MAGI1: variants seen among roughly 807,000 people sequenced by gnomAD.
The protein encoded by MAGI1 is membrane associated guanylate kinase, WW and PDZ domain containing 1.
In MAGI1, 58 loss-of-function variants were observed where a neutral mutation model predicts 139.9. That is an observed-to-expected ratio of 0.41 (90% CI 0.34 to 0.52). The LOEUF (loss-of-function observed/expected upper bound fraction) is 0.52. Ranked by LOEUF, MAGI1 falls within the 20% of genes least tolerant of loss-of-function variation. The probability of loss-of-function intolerance (pLI) is 0.12; values close to 1 mark genes in which losing one functional copy is unlikely to be tolerated. For missense variants in MAGI1, 1,874 were observed against 1,901.6 expected, an observed-to-expected ratio of 0.99 and a Z score of 0.27; for synonymous variants, 812 against 737.9, an observed-to-expected ratio of 1.10 and a Z score of -1.63.
At chr3:65,700,467 A>AAAT (rs1207332892) in intron 1 of MAGI1, among the ~76,000 whole-genome samples, 1 of 152,000 alleles carries the variant, frequency 6.6e-6, no homozygotes, top group African/African-American at 2.4e-5. Flanking sequence ...ATAAATAAAT[A>AAAT]AATAATAATA....
intron 1 of MAGI1, among the ~76,000 whole-genome samples, chr3:65,890,497 T>A (rs906684467): frequency 6.6e-6 from 1 of 152,178 alleles, no homozygotes; most frequent in African/African-American, 2.4e-5. Context: ...TTTATAAAAT[T>A]CAACAATATT....
intron 1 of MAGI1, among the ~76,000 whole-genome samples, chr3:65,691,879 T>C (rs997267659): frequency 6.6e-6 from 1 of 152,162 alleles, no homozygotes; most frequent in African/African-American, 2.4e-5. Context: ...CTTAAACCAG[T>C]TCCAACCTAA....
chr3:65,647,743 G>C (rs571193166), intron 1 of MAGI1, among the ~76,000 whole-genome samples: 1 of 152,174 alleles, frequency 6.6e-6, no homozygotes, highest in South Asian at 2.1e-4. Context: ...AAATATGCAA[G>C]TTCCATTCTT....
rs1353694931 is a variant in MAGI1, at chr3:65,356,082, G to T, written c.*296C>A. 1 of 231,904 alleles carries T rather than the reference G, an allele frequency of 4.3e-6. No homozygotes were observed. Among genetic ancestry groups the T allele is most frequent in the Non-Finnish European group, 8.2e-6 (1 of 121,462 alleles). The allele number at this position is 231,904 out of a possible 1,614,324, so 14.4% of individuals were successfully genotyped here. A position where few individuals can be genotyped will look rare whatever the true frequency, so the allele number is the denominator to read the frequency against. The stretch of plus-strand genomic sequence containing the variant: ...TTGCCCCAAAACGGGAACAATTCTT[G>T]ACGATTCTACAGGTTACGTAGAAAC... On this transcript the variant is annotated 3_prime_UTR_variant, in exon 23 of 23. Coordinates refer to ENST00000402939, the MANE Select transcript of MAGI1 (RefSeq NM_001033057.2).
intron 5 of MAGI1, among the ~76,000 whole-genome samples, chr3:65,461,617 T>C (rs1292422487): frequency 6.6e-6 from 1 of 150,832 alleles, no homozygotes; most frequent in African/African-American, 2.4e-5. Context: ...GCCTCCCGAG[T>C]AGCTGGGACT....
chr3:65,703,856 C>G (rs1226556862), intron 1 of MAGI1, among the ~76,000 whole-genome samples: 2 of 152,144 alleles, frequency 1.3e-5, no homozygotes, highest in Non-Finnish European at 2.9e-5. Context: ...CAATAAAATT[C>G]TACCTGACCT....
chr3:65,991,067 T>A (rs1166110052), intron 1 of MAGI1, among the ~76,000 whole-genome samples: 1 of 152,004 alleles, frequency 6.6e-6, no homozygotes, highest in South Asian at 2.1e-4. Context: ...GGTGGGCAGA[T>A]CACTTGAGGT....
At position 65,379,331 on chromosome 3, in the gene MAGI1, G is replaced by C; in HGVS notation, c.2925C>G (p.Arg975=). The C allele has an allele frequency of 6.2e-7, 1 of 1,613,152 alleles. No individual in the cohort carries two copies. Among genetic ancestry groups the C allele is most frequent in the Non-Finnish European group, 8.5e-7 (1 of 1,179,606 alleles). ...CGAAGCCGAAGCCCTCGTTCTCCCC[G>C]CGCCGGATCTCCACGTCGTAGGGCT... ...VVQPYDVEIR[R]GENEGFGFVI... Residue 975 remains arginine, a synonymous_variant, in exon 17 of 23, where the codon CGC becomes CGG. Transcript: ENST00000402939.
intron 1 of MAGI1, among the ~76,000 whole-genome samples, chr3:66,010,258 G>A (rs964680506): frequency 2.0e-5 from 3 of 152,064 alleles, no homozygotes; most frequent in Admixed American, 6.6e-5. Context: ...ACAACAAAAA[G>A]TATACAGAAA....
intron 2 of MAGI1, among the ~76,000 whole-genome samples, chr3:65,530,724 C>CACATATACACATATATAT (rs1416487153): frequency 9.6e-6 from 1 of 104,550 alleles, no homozygotes; most frequent in Non-Finnish European, 1.9e-5. Flanking sequence ...TATATATATA[C>CACATATACACATATATAT]ACACGTATAT....
chr3:65,924,548 G>A (rs1281710803), intron 1 of MAGI1, among the ~76,000 whole-genome samples: 1 of 152,134 alleles, frequency 6.6e-6, no homozygotes, highest in Admixed American at 6.5e-5. Flanking sequence ...AACAATATGA[G>A]GCAAGAATGA....
chr3:65,494,830 A>C (rs1199110073), intron 2 of MAGI1, among the ~76,000 whole-genome samples: 1 of 152,238 alleles, frequency 6.6e-6, no homozygotes, highest in Non-Finnish European at 1.5e-5. Flanking sequence ...TAAGTCAAAA[A>C]CACTCAACAC....
intron 2 of MAGI1, among the ~76,000 whole-genome samples, chr3:65,508,867 T>G (rs2107737293): frequency 6.6e-6 from 1 of 152,366 alleles, no homozygotes; most frequent in Admixed American, 6.5e-5. Flanking sequence ...GGGTTCCATC[T>G]GATTTGTCAT....
At position 65,958,095 on chromosome 3, in the gene MAGI1, G is replaced by A. The variant is rs553636004; in HGVS notation, c.313+79901C>T. On this transcript the variant is annotated intron_variant, in intron 1 of 22. Coordinates refer to ENST00000402939, the MANE Select transcript of MAGI1 (RefSeq NM_001033057.2). ...TGAACTGTTGTAACCCATATGGACT[G>A]ACTTTGTGGTAACTCATCCACTGCG... Among the ~76,000 whole-genome samples, 59 of 152,198 alleles carry A rather than the reference G, an allele frequency of 3.9e-4. 1 individual carries two copies. The South Asian group carries it at 0.012, about 31-fold the overall frequency.
At chr3:65,960,029 G>A (rs2064348243) in intron 1 of MAGI1, among the ~76,000 whole-genome samples, 1 of 151,050 alleles carries the variant, frequency 6.6e-6, no homozygotes, top group African/African-American at 2.4e-5. Flanking sequence ...GGATGGTCTC[G>A]ACCTCCTGAC....
At chr3:65,795,071 C>T (rs1293788383) in intron 1 of MAGI1, among the ~76,000 whole-genome samples, 1 of 152,148 alleles carries the variant, frequency 6.6e-6, no homozygotes, top group Non-Finnish European at 1.5e-5. Flanking sequence ...AGTGAGGTCA[C>T]GGAAAACAGT....
At chr3:66,003,472 T>C (rs1049904093) in intron 1 of MAGI1, among the ~76,000 whole-genome samples, 1 of 150,858 alleles carries the variant, frequency 6.6e-6, no homozygotes, top group South Asian at 2.2e-4. Context: ...TGGCCCAACA[T>C]GGTGAAACCT....
intron 1 of MAGI1, among the ~76,000 whole-genome samples, chr3:65,751,295 C>G (rs1032683900): frequency 2.2e-4 from 34 of 152,180 alleles, no homozygotes; most frequent in African/African-American, 8.2e-4. Flanking sequence ...TGTCCTGCCC[C>G]CTGCTGGGCA....
intron 1 of MAGI1, among the ~76,000 whole-genome samples, chr3:65,948,403 C>A (rs1305047460): frequency 6.6e-6 from 1 of 152,176 alleles, no homozygotes; most frequent in Non-Finnish European, 1.5e-5. Context: ...AATGAAAGTT[C>A]TCTTTATTGC....
Sources: allele counts gnomAD v4.1 joint callset (sites outside exome capture counted in the v4.1 genomes callset), GRCh38; gene constraint gnomAD v4.1.1; transcripts MANE v1.5; gene names NCBI Gene and HGNC (gene_info 2026-07-23, HGNC 2026-07-21).